Variants in HS1BP3 observed in about 807,000 individuals in gnomAD.
The protein encoded by HS1BP3 is HCLS1-binding protein 3.
A neutral mutation model predicts 33.5 loss-of-function variants in HS1BP3; 32 were observed. The ratio of observed to expected loss-of-function variants is 0.95; its 90% CI spans 0.72 to 1.28. HS1BP3 has a LOEUF of 1.28. Among genes scored for constraint, HS1BP3 ranks in the 50% most tolerant of loss-of-function variants. The pLI is 0.00. For synonymous variants in HS1BP3, 187 were observed against 209.2 expected (o/e 0.89, Z 0.92); for missense variants, 486 against 502.3 (o/e 0.97, Z 0.31).
At chr2:20,579,968 G>A (rs1371534031) in intron 5 of HS1BP3, among the ~76,000 whole-genome samples, 1 of 152,222 alleles carries the variant, frequency 6.6e-6, no homozygotes, top group African/African-American at 2.4e-5. Flanking sequence ...CCTTTAAAAT[G>A]TAAGTGAAAA....
chr2:20,581,597 G>T (rs1482463321), intron 5 of HS1BP3, among the ~76,000 whole-genome samples: 2 of 152,160 alleles, frequency 1.3e-5, no homozygotes, highest in Non-Finnish European at 2.9e-5. Flanking sequence ...TGATCTGCCT[G>T]CCTCAACCTC....
chr2:20,594,486 G>C (rs533212125), intron 3 of HS1BP3, among the ~76,000 whole-genome samples: 1 of 152,306 alleles, frequency 6.6e-6, no homozygotes, highest in South Asian at 2.1e-4. Flanking sequence ...CCTTCCCTAT[G>C]CTGGGGTTGA....
chr2:20,623,704 G>C (rs72782397), intron 6 of HS1BP3, 192 bp downstream of exon 6: 1 of 552,726 alleles, frequency 1.8e-6, no homozygotes. Flanking sequence ...AGCAGCCCTG[G>C]GCTGCGGATC....
At chr2:20,587,448 G>A (rs572829258) in intron 5 of HS1BP3, among the ~76,000 whole-genome samples, 9 of 152,268 alleles carry the variant, frequency 5.9e-5, no homozygotes, top group Middle Eastern at 3.4e-3. Flanking sequence ...GATGCCACAA[G>A]CCCATTTAGT....
chr2:20,622,462 G>A, intron 6 of HS1BP3: 3 of 462,564 alleles, frequency 6.5e-6, no homozygotes, highest in Non-Finnish European at 1.2e-5. Flanking sequence ...ACAGAGTGGG[G>A]GGCCCAGGGA....
rs377163923 is a variant in HS1BP3, at chr2:20,641,262, G to A, written c.199-82C>T. ...TCTCACCCCGACCAGGGGTTCCCAA[G>A]GCCCAGCAGCCAAAGGAAGTGTGCC... On this transcript the variant is annotated intron_variant, in intron 2 of 6. Coordinates refer to ENST00000304031, the MANE Select transcript of HS1BP3 (RefSeq NM_022460.4). The A allele has an allele frequency of 5.6e-4, 722 of 1,293,368 alleles. 11 individuals are homozygous for A. The South Asian group carries it at 8.9e-3, about 16-fold the overall frequency. 80.1% of individuals were successfully genotyped at this position (1,293,368 alleles called of 1,614,324 possible). A position where few individuals can be genotyped will look rare whatever the true frequency, so the allele number is the denominator to read the frequency against.
In HS1BP3 at chr2:20,611,861, C is replaced by T. The variant is rs1694325449; in HGVS notation, c.178+12035G>A. ...GAAGCTGAGAGATGGCAGAGGGTGG[C>T]ACAGCCTCCTCCCGCACCTACAACC... On this transcript the variant is annotated intron_variant, in intron 2 of 3. Coordinates refer to the HS1BP3 transcript ENST00000415264. This position sits in a 1 kb window ranked among gnomAD's most constrained non-coding sequence, Gnocchi z 4.9. Among the ~76,000 whole-genome samples, 1 of 152,192 alleles carries T rather than the reference C, an allele frequency of 6.6e-6. No homozygotes were observed. The highest frequency in any genetic ancestry group is 6.5e-5 in the Admixed American group (1 of 15,284).
Position 20,623,997 on chromosome 2 carries a change from C to T in HS1BP3, c.819G>A (p.Gly273=). ...LKLFDDPDLG[G]AIPLGDSLLL... ...GGAGGGAGTCACCCAGGGGGATGGC[C>T]CCGCCGAGGTCAGGATCATCAAATA... Residue 273 remains glycine, a synonymous_variant, in exon 6 of 7, where the codon GGG becomes GGA. Transcript: ENST00000304031. 1.9e-6 allele frequency: 3 copies of T among 1,612,150 alleles called. No individual in the cohort carries two copies. The highest frequency in any genetic ancestry group is 2.5e-6 in the Non-Finnish European group (3 of 1,179,588).
In HS1BP3 at chr2:20,574,934, C is replaced by A. The variant is rs375952714; in HGVS notation, c.303-14419G>T. ...CAGGGGTCCTCTTGGAGCCTCAATC[C>A]CCTCCTCTGCATAACTGGGATGATA... is the stretch of plus-strand genomic sequence containing the variant. On this transcript the variant is annotated intron_variant, in intron 5 of 5. Transcript: ENST00000446825. 4.7e-4 allele frequency among the ~76,000 whole-genome samples: 71 copies of A among 152,316 alleles called. No homozygotes were observed. The South Asian group carries it at 0.015, about 31-fold the overall frequency.
downstream of HS1BP3, among the ~76,000 whole-genome samples, chr2:20,559,180 C>G (rs962525378): frequency 4.6e-5 from 7 of 152,210 alleles, no homozygotes; most frequent in Non-Finnish European, 8.8e-5. Flanking sequence ...GCACAGCTCA[C>G]CCCACAAAGC....
intron 4 of HS1BP3, among the ~76,000 whole-genome samples, chr2:20,633,131 G>C (rs938126053): frequency 6.6e-6 from 1 of 152,176 alleles, no homozygotes; most frequent in Non-Finnish European, 1.5e-5. Context: ...CTCAGCGTCC[G>C]CCAGCTGAGT....
At chr2:20,590,636 GGGCTGGGCCA>G (rs1471918449), downstream of HS1BP3, 1 of 152,496 alleles carries the variant, frequency 6.6e-6, no homozygotes, top group Non-Finnish European at 1.5e-5. Context: ...CTGGACGTGT[GGGCTGGGCCA>G]GGCTGGGCAA....
chr2:20,647,687 G>A (rs73237147), intron 1 of HS1BP3, among the ~76,000 whole-genome samples: 1,798 of 152,256 alleles, frequency 0.012, 35 homozygotes, highest in African/African-American at 0.04. Context: ...TTTCTCTACA[G>A]GGTCAGATAG....
At chr2:20,620,308 C>T in intron 6 of HS1BP3, among the ~76,000 whole-genome samples, 1 of 152,266 alleles carries the variant, frequency 6.6e-6, no homozygotes. Flanking sequence ...AGACCCACAG[C>T]TAGTGTGAGG....
At chr2:20,613,318 T>C (rs964605454), downstream of HS1BP3, among the ~76,000 whole-genome samples, 101 of 152,232 alleles carry the variant, frequency 6.6e-4, no homozygotes, top group African/African-American at 2.2e-3. Context: ...GCTCCCATGC[T>C]CCGGAAGCCT....
At chr2:20,619,305 AC>A in intron 6 of HS1BP3, 60 bp from the exon 7 acceptor site, 1 of 1,408,636 alleles carries the variant, frequency 7.1e-7, no homozygotes, top group Non-Finnish European at 9.6e-7. Context: ...CAGGAACAAG[AC>A]CCCAGGCAAT....
At chr2:20,559,004 G>A (rs1271903113), downstream of HS1BP3, among the ~76,000 whole-genome samples, 1 of 152,228 alleles carries the variant, frequency 6.6e-6, no homozygotes, top group African/African-American at 2.4e-5. Context: ...TGGCCGCAGA[G>A]CAGGGCTTGC....
chr2:20,589,545 C>A (rs750682758), downstream of HS1BP3, among the ~76,000 whole-genome samples: 2 of 152,224 alleles, frequency 1.3e-5, no homozygotes, highest in Non-Finnish European at 2.9e-5. Context: ...ACAACACCCC[C>A]ATAAGCGGCA....
chr2:20,610,183 T>C (rs1694290652), intron 2 of HS1BP3, among the ~76,000 whole-genome samples: 1 of 152,146 alleles, frequency 6.6e-6, no homozygotes. Context: ...GAGTGGGACA[T>C]TTACCAGTGA....
Sources: gnomAD v4.1 joint callset for allele counts (sites outside exome capture counted in the v4.1 genomes callset) on GRCh38, gnomAD v4.1.1 for gene constraint, Gnocchi (gnomAD v3.1) non-coding constraint, MANE v1.5 for transcripts, NCBI Gene and HGNC (gene_info 2026-07-23, HGNC 2026-07-21) for gene names.